CDH12: variants seen among roughly 807,000 people sequenced by gnomAD.
CDH12 encodes the protein cadherin 12.
In CDH12, 41 loss-of-function variants were observed where a neutral mutation model predicts 74.1. The ratio of observed to expected loss-of-function variants is 0.55; its 90% CI spans 0.43 to 0.72. The LOEUF is 0.72. Among genes scored for constraint, CDH12 ranks in the 30% least tolerant of loss-of-function variants. The pLI is 0.00. For missense variants in CDH12, 945 were observed against 977.2 expected (o/e 0.97, Z 0.44); for synonymous variants, 399 against 355.0 (o/e 1.12, Z -1.39).
At chr5:22,833,111 G>A (rs1310357436) in intron 1 of CDH12, among the ~76,000 whole-genome samples, 1 of 152,114 alleles carries the variant, frequency 6.6e-6, no homozygotes, top group Non-Finnish European at 1.5e-5. Flanking sequence ...TCCCCAGGTA[G>A]ATATCTAGTG....
At chr5:22,382,509 T>G (rs1025631736) in intron 3 of CDH12, among the ~76,000 whole-genome samples, 6 of 151,654 alleles carry the variant, frequency 4.0e-5, no homozygotes, top group Admixed American at 6.6e-5. Context: ...AAGACTTAGA[T>G]TTCTCAGGGC....
At chr5:22,579,895 T>C (rs952895685) in intron 1 of CDH12, among the ~76,000 whole-genome samples, 1 of 152,158 alleles carries the variant, frequency 6.6e-6, no homozygotes, top group African/African-American at 2.4e-5. Context: ...GCTAAGCCCC[T>C]GAGCTCTTCG....
chr5:22,346,179 T>G (rs1740106075), intron 3 of CDH12, among the ~76,000 whole-genome samples: 1 of 151,620 alleles, frequency 6.6e-6, no homozygotes, highest in African/African-American at 2.4e-5. Flanking sequence ...TTGGCTTCAG[T>G]GGTTATTGCA....
At chr5:22,059,792 C>T (rs1397887943) in intron 5 of CDH12, among the ~76,000 whole-genome samples, 3 of 152,038 alleles carry the variant, frequency 2.0e-5, no homozygotes, top group Admixed American at 6.6e-5. Context: ...ATAAACTTTC[C>T]ACTCCTTATT....
chr5:22,744,057 GTAACACCTCC>G (rs934127019), intron 1 of CDH12, among the ~76,000 whole-genome samples: 2 of 152,050 alleles, frequency 1.3e-5, no homozygotes, highest in African/African-American at 4.8e-5. Context: ...TCCAGAACAT[GTAACACCTCC>G]TAACACAGGC....
At chr5:22,772,604 T>C (rs1325511658) in intron 1 of CDH12, among the ~76,000 whole-genome samples, 1 of 152,156 alleles carries the variant, frequency 6.6e-6, no homozygotes, top group East Asian at 1.9e-4. Context: ...ACACGTTTTT[T>C]TTAAATAAAC....
In CDH12 at chr5:22,820,014, T is replaced by C. The variant is rs182996251; in HGVS notation, c.-523+33044A>G. ...ATATACATATATATACATATACATA[T>C]ATATACATATATATACATATACATA... On this transcript the variant is annotated intron_variant, in intron 1 of 14. Coordinates refer to ENST00000382254, the MANE Select transcript of CDH12 (RefSeq NM_004061.5). Among the ~76,000 whole-genome samples, 520 of 141,174 alleles carry C rather than the reference T, an allele frequency of 3.7e-3. 3 individuals are homozygous for C. The highest frequency in any genetic ancestry group is 0.012 in the African/African-American group (457 of 36,610). 92.6% of individuals were successfully genotyped at this position (141,174 alleles called of 152,430 possible).
intron 5 of CDH12, among the ~76,000 whole-genome samples, chr5:22,019,375 T>C (rs1454950319): frequency 6.6e-6 from 1 of 152,206 alleles, no homozygotes; most frequent in Non-Finnish European, 1.5e-5. Flanking sequence ...ATCATATTAT[T>C]ATCACAAACA....
At chr5:22,335,914 G>A (rs1194352320) in intron 3 of CDH12, among the ~76,000 whole-genome samples, 1 of 152,162 alleles carries the variant, frequency 6.6e-6, no homozygotes, top group African/African-American at 2.4e-5. Context: ...GAACAGTTTG[G>A]AGGGCTCAGA....
chr5:21,949,467 A>C (rs1365514584), intron 6 of CDH12, among the ~76,000 whole-genome samples: 1 of 150,814 alleles, frequency 6.6e-6, no homozygotes, highest in Non-Finnish European at 1.5e-5. Flanking sequence ...AAAAAAAAAA[A>C]GAAATAGGCA....
chr5:22,244,929 A>G (rs1752895707), intron 3 of CDH12, among the ~76,000 whole-genome samples: 1 of 152,034 alleles, frequency 6.6e-6, no homozygotes, highest in South Asian at 2.1e-4. Context: ...GAAGTGAGGG[A>G]CAAACTACGC....
chr5:21,843,627 G>A (rs532883541), intron 7 of CDH12, among the ~76,000 whole-genome samples: 7 of 151,828 alleles, frequency 4.6e-5, no homozygotes, highest in Admixed American at 4.6e-4. Flanking sequence ...TGATTCTCCT[G>A]CATCAGCCTC....
intron 6 of CDH12, among the ~76,000 whole-genome samples, chr5:21,896,138 T>A (rs1321327998): frequency 6.6e-6 from 1 of 152,210 alleles, no homozygotes; most frequent in Non-Finnish European, 1.5e-5. Flanking sequence ...CAGTATCTGC[T>A]ATGCCAGCTG....
At chr5:22,226,342 G>A (rs1210389281) in intron 3 of CDH12, among the ~76,000 whole-genome samples, 3 of 151,918 alleles carry the variant, frequency 2.0e-5, no homozygotes, top group Non-Finnish European at 4.4e-5. Context: ...TTAATTTAAT[G>A]CACCCTATAA....
chr5:21,835,471 A>T (rs770030864), intron 8 of CDH12, among the ~76,000 whole-genome samples: 1 of 151,804 alleles, frequency 6.6e-6, no homozygotes, highest in Non-Finnish European at 1.5e-5. Context: ...GTCAAACATT[A>T]AGTACCTGAC....
At chr5:21,920,021 CTTTG>C (rs1754279947) in intron 6 of CDH12, among the ~76,000 whole-genome samples, 1 of 152,004 alleles carries the variant, frequency 6.6e-6, no homozygotes, top group Non-Finnish European at 1.5e-5. Flanking sequence ...ACTCATTTTA[CTTTG>C]TTTCTTATTT....
At chr5:22,386,451 T>A (rs1561364295) in intron 3 of CDH12, among the ~76,000 whole-genome samples, 1 of 152,236 alleles carries the variant, frequency 6.6e-6, no homozygotes, top group Non-Finnish European at 1.5e-5. Flanking sequence ...TCTCACATTT[T>A]ATTTTAGTGC....
At chr5:22,400,108 C>G (rs949132517) in intron 3 of CDH12, among the ~76,000 whole-genome samples, 1 of 152,098 alleles carries the variant, frequency 6.6e-6, no homozygotes, top group Admixed American at 6.6e-5. Flanking sequence ...ATACTTCCCC[C>G]CTTTCTAGTG....
intron 2 of CDH12, among the ~76,000 whole-genome samples, chr5:22,433,176 G>A (rs1046223544): frequency 5.3e-5 from 8 of 152,028 alleles, no homozygotes; most frequent in African/African-American, 7.2e-5. Flanking sequence ...TTTTTCATGA[G>A]CCACCTTCTT....
Sources: allele counts gnomAD v4.1 joint callset (sites outside exome capture counted in the v4.1 genomes callset), GRCh38; gene constraint gnomAD v4.1.1; transcripts MANE v1.5; gene names NCBI Gene and HGNC (gene_info 2026-07-23, HGNC 2026-07-21).